Variants in TSHZ3 observed in about 807,000 individuals in gnomAD.
TSHZ3 encodes teashirt zinc finger homeobox 3.
Under a neutral mutation model 64.5 loss-of-function variants are expected in TSHZ3, and 10 were observed. The ratio of observed to expected loss-of-function variants is 0.16; its 90% CI spans 0.10 to 0.26. The LOEUF (loss-of-function observed/expected upper bound fraction) is 0.26, where lower values mean the gene tolerates loss of function less well. Among genes scored for constraint, TSHZ3 ranks in the 10% least tolerant of loss-of-function variants. The pLI is 1.00. For synonymous variants in TSHZ3, 608 were observed against 593.1 expected, an observed-to-expected ratio of 1.03 and a Z score of -0.36; for missense variants, 1,242 against 1,421.7, an observed-to-expected ratio of 0.87 and a Z score of 2.03.
At chr19:31,309,697 C>T (rs939195026) in intron 1 of TSHZ3, among the ~76,000 whole-genome samples, 1 of 152,144 alleles carries the variant, frequency 6.6e-6, no homozygotes, top group African/African-American at 2.4e-5. Context: ...AATAATGTGG[C>T]GCAAAGAGGA....
chr19:31,171,818 G>A (rs934665480), intron 5 of TSHZ3, among the ~76,000 whole-genome samples: 11 of 152,108 alleles, frequency 7.2e-5, no homozygotes, highest in African/African-American at 2.4e-4. Flanking sequence ...CCTTCCATCA[G>A]AGCCCTGTCC....
intron 5 of TSHZ3, among the ~76,000 whole-genome samples, chr19:31,202,258 A>C (rs1177463475): frequency 6.6e-6 from 1 of 152,224 alleles, no homozygotes; most frequent in Non-Finnish European, 1.5e-5. Context: ...ACAAAAAAAT[A>C]ACAATTTAGA....
At chr19:31,152,848 A>C (rs1214678390) in intron 6 of TSHZ3, among the ~76,000 whole-genome samples, 1 of 152,198 alleles carries the variant, frequency 6.6e-6, no homozygotes. Flanking sequence ...CACCAGACCC[A>C]TGCCTTGAAT....
At chr19:31,343,774 G>T (rs201948149) in intron 1 of TSHZ3, among the ~76,000 whole-genome samples, 1 of 146,906 alleles carries the variant, frequency 6.8e-6, no homozygotes, top group East Asian at 2.0e-4. Context: ...TACAATTCAG[G>T]TTTTTTTTTT....
At chr19:31,167,337 C>T (rs1034709875) in intron 5 of TSHZ3, among the ~76,000 whole-genome samples, 2 of 152,178 alleles carry the variant, frequency 1.3e-5, no homozygotes, top group Admixed American at 1.3e-4. Context: ...TTACCCTTTG[C>T]TTCAAATCTG....
intron 1 of TSHZ3, among the ~76,000 whole-genome samples, chr19:31,255,711 C>A (rs1162480481): frequency 6.6e-6 from 1 of 152,128 alleles, no homozygotes; most frequent in Non-Finnish European, 1.5e-5. Context: ...AGAGCAGCAG[C>A]AGAGGGGTCT....
At chr19:31,245,291 A>T (rs1975746182) in intron 1 of TSHZ3, among the ~76,000 whole-genome samples, 1 of 152,084 alleles carries the variant, frequency 6.6e-6, no homozygotes, top group African/African-American at 2.4e-5. Flanking sequence ...AACTTGTCTC[A>T]CCCTTCTCAT....
chr19:31,303,430 AC>A (rs1403742095), intron 1 of TSHZ3, among the ~76,000 whole-genome samples: 5 of 152,052 alleles, frequency 3.3e-5, no homozygotes, highest in African/African-American at 1.2e-4. Flanking sequence ...CCACATAGGC[AC>A]CCACAGTCAC....
In TSHZ3 at chr19:31,277,910, A is replaced by C. The variant is rs749069818; in HGVS notation, c.1883T>G (p.Met628Arg). ...GGAAAGCTTCCCATCCGGCTCCTTC[A>C]TCTTCTCCTCCACTTTGGCAACTTT... ...TEKVAKVEEKMKEPDGKLSPP... is the reference protein window; with the variant it reads ...TEKVAKVEEKRKEPDGKLSPP... Residue 628 changes from methionine to arginine, a missense_variant, in exon 2 of 2, where the codon ATG becomes AGG. Met to Arg is a moderately conservative substitution (Grantham distance 91). This residue lies in a region of TSHZ3 where 550 missense variants were observed against 545.1 expected (regional missense o/e 1.01). Transcript: ENST00000240587. This position sits in a 1 kb window ranked among gnomAD's most constrained non-coding sequence, Gnocchi z 4.5. The C allele has an allele frequency of 3.1e-6, 5 of 1,613,866 alleles. No homozygotes were observed. The highest frequency in any genetic ancestry group is 2.7e-5 in the African/African-American group (2 of 74,908).
rs1407793764 is a variant in TSHZ3 at position 31,330,718 on chromosome 19, GA to G, written c.40+18461del. On this transcript the variant is annotated intron_variant, in intron 1 of 1. Transcript: ENST00000240587. ...CTGTTTAATCCTTGGGCGGGGGGAG[GA>G]AAGTCCAGAACACCTATGGGTCATG... Among the ~76,000 whole-genome samples, 110 of 148,642 alleles carry G rather than the reference GA, an allele frequency of 7.4e-4. 1 individual carries two copies. Among genetic ancestry groups the G allele is most frequent in the African/African-American group, 2.5e-3 (103 of 40,404 alleles).
intron 5 of TSHZ3, among the ~76,000 whole-genome samples, chr19:31,190,176 A>G (rs1974880099): frequency 6.6e-6 from 1 of 152,210 alleles, no homozygotes; most frequent in Non-Finnish European, 1.5e-5. Flanking sequence ...AACTTAAAAG[A>G]CAGGTCATTA....
At chr19:31,243,322 T>C (rs1198123352) in intron 1 of TSHZ3, among the ~76,000 whole-genome samples, 1 of 152,192 alleles carries the variant, frequency 6.6e-6, no homozygotes, top group African/African-American at 2.4e-5. Context: ...TGGTCCCTAG[T>C]CATTTCTAAT....
At chr19:31,174,254 C>T (rs537975443) in intron 5 of TSHZ3, among the ~76,000 whole-genome samples, 14 of 152,248 alleles carry the variant, frequency 9.2e-5, no homozygotes, top group African/African-American at 3.1e-4. Context: ...CCAGAAGGCT[C>T]GAGACCCAAG....
intron 5 of TSHZ3, among the ~76,000 whole-genome samples, chr19:31,177,450 C>T (rs185417184): frequency 6.6e-5 from 10 of 152,328 alleles, no homozygotes; most frequent in East Asian, 3.9e-4. Flanking sequence ...GGCTGCTGGC[C>T]GTCTGCAATG....
intron 1 of TSHZ3, among the ~76,000 whole-genome samples, chr19:31,290,360 C>T (rs1976542528): frequency 6.6e-6 from 1 of 152,068 alleles, no homozygotes; most frequent in Admixed American, 6.5e-5. Context: ...AGTGTGAAGG[C>T]AGGACTTCCT....
intron 1 of TSHZ3, among the ~76,000 whole-genome samples, chr19:31,331,910 C>CG (rs1467417256): frequency 3.3e-5 from 5 of 152,174 alleles, no homozygotes; most frequent in Admixed American, 1.3e-4. Flanking sequence ...TCACCTCCCC[C>CG]GGGCACTTTC....
At chr19:31,178,221 C>T (rs954227847) in intron 5 of TSHZ3, among the ~76,000 whole-genome samples, 11 of 152,278 alleles carry the variant, frequency 7.2e-5, no homozygotes, top group Admixed American at 4.6e-4. Flanking sequence ...ATGCTAAGCC[C>T]TGGGTGGTAG....
intron 4 of TSHZ3, among the ~76,000 whole-genome samples, chr19:31,213,387 A>AAAAAAAAAAG: frequency 1.4e-5 from 2 of 147,622 alleles, no homozygotes; most frequent in African/African-American, 2.6e-5. Flanking sequence ...AAAAAAAAAA[A>AAAAAAAAAAG]AAAATCAGTG....
chr19:31,183,178 T>TTCTCTCTCTC (rs750398873), intron 5 of TSHZ3, among the ~76,000 whole-genome samples: 49 of 116,526 alleles, frequency 4.2e-4, no homozygotes, highest in Non-Finnish European at 6.4e-4. Context: ...TTCTATGAGA[T>TTCTCTCTCTC]TCTCTCTCTC....
Sources: gnomAD v4.1 joint callset for allele counts (sites outside exome capture counted in the v4.1 genomes callset) on GRCh38, gnomAD v4.1.1 for gene constraint, gnomAD v4.1.1 regional missense constraint, Gnocchi (gnomAD v3.1) non-coding constraint, MANE v1.5 for transcripts, NCBI Gene and HGNC (gene_info 2026-07-23, HGNC 2026-07-21) for gene names.